BRINP3: variants seen among roughly 807,000 people sequenced by gnomAD.
BRINP3 encodes BMP/retinoic acid inducible neural specific 3, also known as BMP/retinoic acid-inducible neural-specific protein 3.
In BRINP3, 19 loss-of-function variants were observed where a neutral mutation model predicts 71.0. The ratio of observed to expected loss-of-function variants is 0.27; its 90% confidence interval spans 0.19 to 0.39. BRINP3 has a LOEUF of 0.39. BRINP3 is among the 10% of genes least tolerant of loss of function. The pLI is 1.00. For missense variants in BRINP3, 959 were observed against 940.8 expected (o/e 1.02, Z -0.25); for synonymous variants, 380 against 337.7 (o/e 1.13, Z -1.37).
intron 2 of BRINP3, among the ~76,000 whole-genome samples, chr1:190,429,642 G>A (rs1242800892): frequency 6.8e-6 from 1 of 147,976 alleles, no homozygotes; most frequent in Non-Finnish European, 1.5e-5. Context: ...CCAGACTGGA[G>A]TGCAATGAGG....
intron 2 of BRINP3, among the ~76,000 whole-genome samples, chr1:190,390,479 T>C (rs1671183615): frequency 6.6e-6 from 1 of 151,694 alleles, no homozygotes; most frequent in Non-Finnish European, 1.5e-5. Context: ...ATCTTCCCTA[T>C]GAATACATAA....
intron 2 of BRINP3, among the ~76,000 whole-genome samples, chr1:190,414,197 T>C (rs1202426196): frequency 6.6e-6 from 1 of 152,188 alleles, no homozygotes; most frequent in South Asian, 2.1e-4. Context: ...AAAATATTCC[T>C]ATGTCTAATC....
chr1:190,325,513 A>C (rs1048867997), intron 2 of BRINP3, among the ~76,000 whole-genome samples: 1 of 152,036 alleles, frequency 6.6e-6, no homozygotes, highest in African/African-American at 2.4e-5. Flanking sequence ...TTGAAATTAC[A>C]TACTGAAGAG....
chr1:190,164,782 G>T (rs1651343245), intron 6 of BRINP3, among the ~76,000 whole-genome samples: 1 of 151,478 alleles, frequency 6.6e-6, no homozygotes, highest in Non-Finnish European at 1.5e-5. Flanking sequence ...TGTAGACATG[G>T]GGTCTTACCA....
At chr1:190,289,956 CAAAT>C (rs761092948) in intron 2 of BRINP3, among the ~76,000 whole-genome samples, 46 of 151,866 alleles carry the variant, frequency 3.0e-4, no homozygotes, top group Non-Finnish European at 5.7e-4. Flanking sequence ...TTTTAAGACT[CAAAT>C]GAATGACCCA....
At chr1:190,201,225 G>A (rs969111708) in intron 6 of BRINP3, among the ~76,000 whole-genome samples, 3 of 152,132 alleles carry the variant, frequency 2.0e-5, no homozygotes, top group African/African-American at 7.2e-5. Flanking sequence ...GCAAAGGCAG[G>A]TTTTGTTATG....
intron 7 of BRINP3, among the ~76,000 whole-genome samples, chr1:190,105,512 C>T (rs1652074924): frequency 6.6e-6 from 1 of 151,964 alleles, no homozygotes; most frequent in Admixed American, 6.6e-5. Flanking sequence ...CTCACTACTC[C>T]CTGATATAAG....
chr1:190,230,533 A>G (rs2102721550), intron 5 of BRINP3, among the ~76,000 whole-genome samples: 1 of 152,046 alleles, frequency 6.6e-6, no homozygotes, highest in Admixed American at 6.6e-5. Context: ...ATTTTACAAT[A>G]AAAATATTAC....
intron 2 of BRINP3, among the ~76,000 whole-genome samples, chr1:190,333,845 C>T (rs1179913374): frequency 6.6e-6 from 1 of 151,870 alleles, no homozygotes; most frequent in African/African-American, 2.4e-5. Context: ...TTAACTTTAA[C>T]TCATTGATCC....
In BRINP3 at chr1:190,405,934, A is replaced by G. The variant is rs536287706; in HGVS notation, c.236+48721T>C. On this transcript the variant is annotated intron_variant, in intron 2 of 7. Transcript: ENST00000367462. ...TCATGTTAACTGAGCAGAATGGTAC[A>G]GAATGCTTAGTAATATTCAACAAAT... Among the ~76,000 whole-genome samples, 4 of 152,240 alleles carry G rather than the reference A, an allele frequency of 2.6e-5. No individual in the cohort carries two copies. In the South Asian group the frequency reaches 6.2e-4, roughly 24 times the overall value.
chr1:190,415,056 G>A (rs1672925690), intron 2 of BRINP3, among the ~76,000 whole-genome samples: 1 of 152,130 alleles, frequency 6.6e-6, no homozygotes, highest in Non-Finnish European at 1.5e-5. Context: ...TACATAAATT[G>A]CAGAGAATTG....
chr1:190,206,143 C>A (rs1382932553), intron 6 of BRINP3, among the ~76,000 whole-genome samples: 1 of 151,966 alleles, frequency 6.6e-6, no homozygotes, highest in African/African-American at 2.4e-5. Context: ...ACTTGGGGTT[C>A]ACTGCTTTAC....
chr1:190,468,108 A>G lies in BRINP3; in HGVS notation c.-51+9340T>C, dbSNP rs1676881308. ...ATTTAGTAATAAATACATTTTAATT[A>G]ATAGTTAATAATTGTCTGGTTTCAG... On this transcript the variant is annotated intron_variant, in intron 1 of 7. Transcript: ENST00000367462. Among the ~76,000 whole-genome samples, 3 of 151,320 alleles carry G rather than the reference A, an allele frequency of 2.0e-5. No individual in the cohort carries two copies. The South Asian group carries it at 6.2e-4, about 31-fold the overall frequency.
intron 2 of BRINP3, among the ~76,000 whole-genome samples, chr1:190,428,303 A>G (rs568517863): frequency 1.3e-5 from 2 of 152,082 alleles, no homozygotes; most frequent in East Asian, 3.9e-4. Context: ...AACAGCAACA[A>G]TAGAAAACTA....
At chr1:190,196,258 C>T (rs914977050) in intron 6 of BRINP3, among the ~76,000 whole-genome samples, 1 of 152,100 alleles carries the variant, frequency 6.6e-6, no homozygotes, top group Non-Finnish European at 1.5e-5. Flanking sequence ...AGCACCCTGC[C>T]TTCTGCATTT....
intron 2 of BRINP3, among the ~76,000 whole-genome samples, chr1:190,355,949 G>A (rs185104084): frequency 1.1e-4 from 17 of 151,938 alleles, no homozygotes; most frequent in Admixed American, 1.1e-3. Context: ...AGATAGCTAG[G>A]TAGCTAGCAT....
At chr1:190,335,677 A>T (rs1193086361) in intron 2 of BRINP3, among the ~76,000 whole-genome samples, 1 of 151,852 alleles carries the variant, frequency 6.6e-6, no homozygotes, top group South Asian at 2.1e-4. Flanking sequence ...TTTTCAAAAA[A>T]CCTCAAGATA....
intron 1 of BRINP3, among the ~76,000 whole-genome samples, chr1:190,458,145 T>C (rs1367531157): frequency 2.6e-5 from 4 of 152,026 alleles, no homozygotes; most frequent in Non-Finnish European, 5.9e-5. Context: ...ATTATTTCTG[T>C]TTTTTCTACT....
In BRINP3 at chr1:190,454,904, A is replaced by G. The variant is rs1232276101; in HGVS notation, c.-14T>C. The G allele has an allele frequency of 6.2e-7, 1 of 1,603,942 alleles. No individual in the cohort carries two copies. Among genetic ancestry groups the G allele is most frequent in the Admixed American group, 1.7e-5 (1 of 59,824 alleles). On this transcript the variant is annotated 5_prime_UTR_variant, in exon 2 of 8. Transcript: ENST00000367462. ...TCGCCATATCATGCTTCCACTGGGG[A>G]TTTAGAGCCTTCATTCTCTCAGCTT...
Sources: gnomAD v4.1 joint callset for allele counts (sites outside exome capture counted in the v4.1 genomes callset) on GRCh38, gnomAD v4.1.1 for gene constraint, MANE v1.5 for transcripts, NCBI Gene and HGNC (gene_info 2026-07-23, HGNC 2026-07-21) for gene names.